CHD2: variants seen among roughly 807,000 people sequenced by gnomAD.
CHD2 encodes the protein ATP-dependent chromatin remodeler CHD2.
A neutral mutation model predicts 243.9 loss-of-function variants in CHD2; 28 were observed. The observed-to-expected ratio is 0.11, with a 90% CI of 0.09 to 0.16. The LOEUF (loss-of-function observed/expected upper bound fraction) is 0.16, where lower values mean the gene tolerates loss of function less well. Ranked by LOEUF, CHD2 falls within the 10% of genes least tolerant of loss-of-function variation. CHD2 has a pLI of 1.00. For missense variants in CHD2, 1,386 were observed against 2,209.8 expected (o/e 0.63, Z 7.47); for synonymous variants, 775 against 779.0 (o/e 0.99, Z 0.09).
chr15:92,912,786 G>A (rs932905345), intron 2 of CHD2, among the ~76,000 whole-genome samples: 3 of 147,876 alleles, frequency 2.0e-5, no homozygotes, highest in Non-Finnish European at 4.4e-5. Context: ...CGCCAACCTT[G>A]TGATCCGCCC....
intron 24 of CHD2, among the ~76,000 whole-genome samples, chr15:92,982,507 G>A (rs1483511515): frequency 6.6e-6 from 1 of 152,202 alleles, no homozygotes; most frequent in East Asian, 1.9e-4. Context: ...CCCAAGGTGG[G>A]AGATTGGCTT....
intron 14 of CHD2, among the ~76,000 whole-genome samples, chr15:92,955,134 G>T (rs527431980): frequency 2.6e-5 from 4 of 152,104 alleles, no homozygotes; most frequent in Non-Finnish European, 4.4e-5. Context: ...CAATCACCAG[G>T]GTTCAGTAGC....
chr15:92,904,393 GGCT>G, intron 2 of CHD2: 11 of 949,504 alleles, frequency 1.2e-5, no homozygotes, highest in Non-Finnish European at 1.4e-5. Flanking sequence ...GACGTCAGAC[GGCT>G]CCCCTGGGGG....
chr15:92,929,868 G>T (rs556432356), intron 5 of CHD2, among the ~76,000 whole-genome samples: 1 of 151,762 alleles, frequency 6.6e-6, no homozygotes, highest in Non-Finnish European at 1.5e-5. Context: ...TTACTCTTTA[G>T]TAAGTGGCCT....
chr15:93,020,398 C>T (rs1471150095), intron 38 of CHD2, 140 bp downstream of exon 38: 2 of 1,061,064 alleles, frequency 1.9e-6, no homozygotes, highest in Non-Finnish European at 2.8e-6. Flanking sequence ...CAGCGAATCC[C>T]ATGTCTTGGT....
intron 2 of CHD2, among the ~76,000 whole-genome samples, chr15:92,906,976 C>T (rs966507510): frequency 1.3e-5 from 2 of 152,092 alleles, no homozygotes; most frequent in Non-Finnish European, 2.9e-5. Flanking sequence ...CAGTATAAAG[C>T]CTGAGTAACA....
intron 9 of CHD2, chr15:92,943,759 CTATTTTTGTGTCTGGAATGTGCATA>C (rs1419580342): frequency 6.6e-6 from 1 of 152,620 alleles, no homozygotes; most frequent in African/African-American, 2.4e-5. Flanking sequence ...TGTGATTAGC[CTATTTTTGTGTCTGGAATGTGCATA>C]GATTTTTGTG....
intron 21 of CHD2, 40 bp from the exon 22 acceptor site, chr15:92,979,095 G>A (rs746479179): frequency 8.1e-6 from 13 of 1,602,024 alleles, no homozygotes; most frequent in South Asian, 2.2e-5. Context: ...GGGGTTGGGG[G>A]GTGGTTCAGG....
intron 16 of CHD2, among the ~76,000 whole-genome samples, chr15:92,964,952 T>C (rs2053737463): frequency 6.6e-6 from 1 of 152,322 alleles, no homozygotes; most frequent in East Asian, 1.9e-4. Flanking sequence ...ACTTTTCCTT[T>C]TACATATTTA....
chr15:92,923,260 T>C (rs1308207182), intron 2 of CHD2, among the ~76,000 whole-genome samples: 1 of 152,146 alleles, frequency 6.6e-6, no homozygotes, highest in Non-Finnish European at 1.5e-5. Context: ...TGCTTTGTTT[T>C]TTTTGTTTTT....
In CHD2 at chr15:93,025,876, A is replaced by G. The variant is rs1016352327; in HGVS notation, c.*1171A>G. On this transcript the variant is annotated 3_prime_UTR_variant, in exon 39 of 39. Coordinates refer to ENST00000394196, the MANE Select transcript of CHD2 (RefSeq NM_001271.4). ...CACATCATGTGGTGGGCAGATGGAAATAAGTACCTGTGGTGAACAAGTTTC... is the reference window on the plus strand; with the variant it reads ...CACATCATGTGGTGGGCAGATGGAAGTAAGTACCTGTGGTGAACAAGTTTC... The G allele has an allele frequency of 6.6e-6, 1 of 152,266 alleles. No individual in the cohort carries two copies. Among genetic ancestry groups the G allele is most frequent in the Non-Finnish European group, 1.5e-5 (1 of 68,050 alleles). The allele number at this position is 152,266 out of a possible 1,614,324, so 9.4% of individuals were successfully genotyped here. A position where few individuals can be genotyped will look rare whatever the true frequency, so the allele number is the denominator to read the frequency against.
intron 24 of CHD2, among the ~76,000 whole-genome samples, chr15:92,983,731 GA>G (rs1383478143): frequency 6.6e-6 from 1 of 152,188 alleles, no homozygotes. Context: ...GATAAGAAAT[GA>G]AGAGAATATT....
At chr15:92,958,016 A>G (rs1304834120) in intron 16 of CHD2, among the ~76,000 whole-genome samples, 2 of 152,020 alleles carry the variant, frequency 1.3e-5, no homozygotes, top group Admixed American at 1.3e-4. Context: ...ATTGGGTAAT[A>G]TTTCATTGCA....
At chr15:93,014,625 A>T (rs2054435123) in intron 36 of CHD2, 71 bp from the exon 37 acceptor site, 1 of 1,381,628 alleles carries the variant, frequency 7.2e-7, no homozygotes, top group South Asian at 1.2e-5. Flanking sequence ...TTTAGAGGTG[A>T]TAGCCTTTAT....
chr15:92,965,899 T>C (rs1423539071), intron 16 of CHD2, among the ~76,000 whole-genome samples: 2 of 152,176 alleles, frequency 1.3e-5, no homozygotes, highest in Non-Finnish European at 2.9e-5. Context: ...TTATAACATG[T>C]GTTAGGTAAA....
chr15:92,927,218 T>A, intron 3 of CHD2, 26 bp from the exon 4 acceptor site: 1 of 1,521,854 alleles, frequency 6.6e-7, no homozygotes, highest in Non-Finnish European at 9.1e-7. Context: ...GAAAAAAGAT[T>A]AATGCGTGGT....
intron 35 of CHD2, among the ~76,000 whole-genome samples, chr15:93,011,160 C>T (rs955811656): frequency 1.3e-5 from 2 of 151,940 alleles, no homozygotes; most frequent in Admixed American, 6.6e-5. Context: ...TTTAAATGTG[C>T]CAGGCACTGT....
At chr15:92,955,664 A>C (rs530291165) in intron 15 of CHD2, 152 bp downstream of exon 15, 1 of 464,340 alleles carries the variant, frequency 2.2e-6, no homozygotes, top group African/African-American at 2.0e-5. Flanking sequence ...CCTACTTGCC[A>C]TGTTACTTTT....
intron 26 of CHD2, among the ~76,000 whole-genome samples, chr15:92,990,514 G>A (rs1274324752): frequency 6.6e-6 from 1 of 152,178 alleles, no homozygotes; most frequent in South Asian, 2.1e-4. Context: ...CGGAAGTGTT[G>A]TTATTTAGAC....
Sources: allele counts gnomAD v4.1 joint callset (sites outside exome capture counted in the v4.1 genomes callset), GRCh38; gene constraint gnomAD v4.1.1; transcripts MANE v1.5; gene names NCBI Gene and HGNC (gene_info 2026-07-23, HGNC 2026-07-21).